Variants in STK32B observed in about 807,000 individuals in gnomAD.
The protein encoded by STK32B is serine/threonine kinase 32B.
A neutral mutation model predicts 52.6 loss-of-function variants in STK32B; 43 were observed. That is an observed-to-expected ratio of 0.82 (90% CI 0.64 to 1.05). The LOEUF (loss-of-function observed/expected upper bound fraction) is 1.05, where lower values mean the gene tolerates loss of function less well. STK32B is among the 50% of genes least tolerant of loss of function. STK32B has a pLI of 0.00. For missense variants in STK32B, 621 were observed against 534.6 expected, an observed-to-expected ratio of 1.16 and a Z score of -1.59; for synonymous variants, 238 against 204.3, an observed-to-expected ratio of 1.17 and a Z score of -1.41.
At chr4:5,496,732 TGAA>T in intron 11 of STK32B, among the ~76,000 whole-genome samples, 1 of 152,070 alleles carries the variant, frequency 6.6e-6, no homozygotes. Flanking sequence ...TCTCTGTCCT[TGAA>T]GATCAAAATG....
intron 6 of STK32B, among the ~76,000 whole-genome samples, chr4:5,425,786 G>A (rs1328821315): frequency 6.6e-6 from 1 of 152,130 alleles, no homozygotes; most frequent in African/African-American, 2.4e-5. Context: ...CCCCACAAAA[G>A]TTCCTCATTC....
intron 3 of STK32B, among the ~76,000 whole-genome samples, chr4:5,218,881 C>T (rs1010895574): frequency 1.3e-5 from 2 of 152,206 alleles, no homozygotes; most frequent in Non-Finnish European, 2.9e-5. Flanking sequence ...CTGGGCACCG[C>T]CTGCTCCCCT....
chr4:5,434,423 T>G (rs1292873768), intron 6 of STK32B, among the ~76,000 whole-genome samples: 1 of 142,298 alleles, frequency 7.0e-6, no homozygotes, highest in Non-Finnish European at 1.5e-5. Flanking sequence ...ATGCTATATG[T>G]GTGCATGTAT....
intron 1 of STK32B, among the ~76,000 whole-genome samples, chr4:5,096,261 G>A (rs565433693): frequency 5.3e-5 from 8 of 152,310 alleles, no homozygotes; most frequent in African/African-American, 1.9e-4. Context: ...AGGATGAAGT[G>A]TAAAGGGAGT....
intron 4 of STK32B, among the ~76,000 whole-genome samples, chr4:5,365,097 A>G (rs1734793404): frequency 6.6e-6 from 1 of 152,044 alleles, no homozygotes; most frequent in Non-Finnish European, 1.5e-5. Context: ...GCTGGTCTCA[A>G]ACTCCTGACC....
rs200167259 is a variant in STK32B at position 5,282,545 on chromosome 4, GCTT to G, written c.261-48662_261-48660del. Among the ~76,000 whole-genome samples, 703 of 152,082 alleles carry G rather than the reference GCTT, an allele frequency of 4.6e-3. 7 individuals are homozygous for G. The highest frequency in any genetic ancestry group is 0.015 in the African/African-American group (636 of 41,484). ...AAATATCTTACTATGCTGTACTAAT[GCTT>G]CTTCTTCTTCTTGTGGTGATGTGAG... On this transcript the variant is annotated intron_variant, in intron 3 of 11. Transcript: ENST00000282908.
intron 3 of STK32B, among the ~76,000 whole-genome samples, chr4:5,172,546 T>C (rs981792688): frequency 6.6e-6 from 1 of 152,192 alleles, no homozygotes; most frequent in Non-Finnish European, 1.5e-5. Context: ...CAAAGGCCTT[T>C]TCTGCATCTA....
intron 1 of STK32B, among the ~76,000 whole-genome samples, chr4:5,093,830 T>A (rs1019445282): frequency 1.3e-5 from 2 of 152,214 alleles, no homozygotes; most frequent in African/African-American, 4.8e-5. Context: ...TCATCATGTT[T>A]AGTGCAATAC....
the STK32B span, among the ~76,000 whole-genome samples, chr4:5,026,425 C>T: frequency 1.2e-4 from 18 of 152,094 alleles, no homozygotes; most frequent in African/African-American, 3.9e-4. Flanking sequence ...CTTACAATCA[C>T]GGCAGAAGGC....
intron 3 of STK32B, among the ~76,000 whole-genome samples, chr4:5,287,612 A>G: frequency 6.6e-6 from 1 of 152,102 alleles, no homozygotes; most frequent in East Asian, 1.9e-4. Context: ...TGCCCCAATC[A>G]GTTTCATGAA....
At chr4:5,056,016 G>A (rs1295358157) in intron 1 of STK32B, among the ~76,000 whole-genome samples, 1 of 152,166 alleles carries the variant, frequency 6.6e-6, no homozygotes, top group Non-Finnish European at 1.5e-5. Flanking sequence ...TTCGTGGTCT[G>A]TAGGAACTGG....
intron 1 of STK32B, among the ~76,000 whole-genome samples, chr4:5,137,115 A>G (rs1291117098): frequency 6.6e-6 from 1 of 152,246 alleles, no homozygotes; most frequent in Non-Finnish European, 1.5e-5. Flanking sequence ...GAGACATGAC[A>G]GAGGAGGAGG....
chr4:5,465,924 AATT>A (rs1320474204), intron 9 of STK32B, among the ~76,000 whole-genome samples: 1 of 152,076 alleles, frequency 6.6e-6, no homozygotes, highest in Non-Finnish European at 1.5e-5. Flanking sequence ...CCTATATGGG[AATT>A]ATTGTTACCC....
intron 4 of STK32B, among the ~76,000 whole-genome samples, chr4:5,370,996 G>GTGTGTGTATA (rs570241863): frequency 7.1e-6 from 1 of 141,072 alleles, no homozygotes; most frequent in African/African-American, 2.7e-5. Flanking sequence ...GTGTGTGTGT[G>GTGTGTGTATA]TATATATATA....
intron 1 of STK32B, among the ~76,000 whole-genome samples, chr4:5,128,090 A>T (rs891435803): frequency 1.3e-5 from 2 of 152,152 alleles, no homozygotes; most frequent in African/African-American, 4.8e-5. Context: ...CAGCGTGAAA[A>T]CAGACTAATA....
At chr4:5,036,548 T>C in the STK32B span, among the ~76,000 whole-genome samples, 2 of 152,198 alleles carry the variant, frequency 1.3e-5, no homozygotes, top group African/African-American at 4.8e-5. Context: ...AGTTCACATG[T>C]AGCTAGAAGG....
At chr4:5,092,186 A>G (rs1332757257) in intron 1 of STK32B, among the ~76,000 whole-genome samples, 1 of 152,256 alleles carries the variant, frequency 6.6e-6, no homozygotes, top group African/African-American at 2.4e-5. Context: ...CTCAAGTTCA[A>G]TGAATTGTAC....
At chr4:5,157,091 G>A (rs1242554670) in intron 2 of STK32B, among the ~76,000 whole-genome samples, 1 of 152,116 alleles carries the variant, frequency 6.6e-6, no homozygotes, top group Non-Finnish European at 1.5e-5. Context: ...TTAGATGAAT[G>A]TTTGTAAGGT....
At position 5,372,723 on chromosome 4, in the gene STK32B, G is replaced by GGC. The variant is rs1421377892; in HGVS notation, c.435-25483_435-25482insCG. On this transcript the variant is annotated intron_variant, in intron 4 of 11. Transcript: ENST00000282908. ...CGTGGCCTCAGCAGGAGAAAGTTGGGGGGGGGGGCGGTTATTTCAGACTAA... is the reference window on the plus strand; with the variant it reads ...CGTGGCCTCAGCAGGAGAAAGTTGGGGCGGGGGGGGCGGTTATTTCAGACTAA... Among the ~76,000 whole-genome samples the GGC allele has an allele frequency of 6.0e-4, 90 of 150,226 alleles. 2 individuals carry two copies. Among genetic ancestry groups the GGC allele is most frequent in the African/African-American group, 1.8e-3 (75 of 40,864 alleles).
Sources: allele counts gnomAD v4.1 joint callset (sites outside exome capture counted in the v4.1 genomes callset), GRCh38; gene constraint gnomAD v4.1.1; transcripts MANE v1.5; gene names NCBI Gene and HGNC (gene_info 2026-07-23, HGNC 2026-07-21).